Variants in SV2B observed in about 807,000 individuals in gnomAD.
SV2B encodes the protein solute carrier family 22 member B2.
In SV2B, 41 loss-of-function variants were observed where a neutral mutation model predicts 73.9. The observed-to-expected ratio is 0.56, with a 90% CI of 0.43 to 0.72. The LOEUF (loss-of-function observed/expected upper bound fraction) is 0.72. Ranked by LOEUF, SV2B falls within the 30% of genes least tolerant of loss-of-function variation. SV2B has a pLI of 0.00. For synonymous variants in SV2B, 314 were observed against 314.2 expected (o/e 1.00, Z 0.01); for missense variants, 764 against 857.8 (o/e 0.89, Z 1.37).
At chr15:91,180,716 G>T (rs2044517571) in intron 1 of SV2B, among the ~76,000 whole-genome samples, 1 of 152,126 alleles carries the variant, frequency 6.6e-6, no homozygotes, top group South Asian at 2.1e-4. Context: ...TCTTCACGTA[G>T]TTCTTGAGCC....
chr15:91,148,450 C>T (rs116255713), intron 1 of SV2B, among the ~76,000 whole-genome samples: 122 of 152,154 alleles, frequency 8.0e-4, no homozygotes, highest in Middle Eastern at 3.4e-3. Context: ...AGCGATGAGG[C>T]GTGCTGTTGG....
rs112091223 is a variant in SV2B at position 91,281,401 on chromosome 15, T to C, written c.1374-327T>C. ...CATGTTTTAAAAATGTCTCAGAAAG[T>C]GAGGTGTTATTAATATTTAAATTTC... On this transcript the variant is annotated intron_variant, in intron 9 of 12. Coordinates refer to ENST00000394232, the MANE Select transcript of SV2B (RefSeq NM_001323032.3). The surrounding 1 kb of genome is among the most constrained non-coding windows in gnomAD (Gnocchi z 4.7). Among the ~76,000 whole-genome samples, 4 of 152,196 alleles carry C rather than the reference T, an allele frequency of 2.6e-5. No individual in the cohort carries two copies. The highest frequency in any genetic ancestry group is 9.7e-5 in the African/African-American group (4 of 41,428).
rs1238275481 is a variant in SV2B at position 91,284,185 on chromosome 15, C to T, written c.1672C>T (p.Leu558=). Residue 558 remains leucine, a synonymous_variant, in exon 11 of 13, where the codon CTG becomes TTG. Coordinates refer to ENST00000394232, the MANE Select transcript of SV2B (RefSeq NM_001323032.3). This position sits in a 1 kb window ranked among gnomAD's most constrained non-coding sequence, Gnocchi z 4.5. The stretch of plus-strand genomic sequence containing the variant: ...CTTACCCGGGAACATCATTTCTGCC[C>T]TGCTCATGGATAGAATTGGAAGGCT... ...SVLPGNIISA[L]LMDRIGRLKM... 9 of 1,614,208 alleles carry T rather than the reference C, an allele frequency of 5.6e-6. No individual in the cohort carries two copies. The highest frequency in any genetic ancestry group is 7.6e-6 in the Non-Finnish European group (9 of 1,180,044).
Position 91,301,712 on chromosome 15 carries a change from C to A in SV2B, c.*9160C>A, listed in dbSNP as rs1306698215. Reference sequence around the variant, plus strand: ...TATTCCTTATCCCAAATGTTTGGGACCAGAAGTGTTCTGGATTTCCGGTTT... The same window carrying A: ...TATTCCTTATCCCAAATGTTTGGGAACAGAAGTGTTCTGGATTTCCGGTTT... On this transcript the variant is annotated 3_prime_UTR_variant, in exon 13 of 13. Coordinates refer to ENST00000394232, the MANE Select transcript of SV2B (RefSeq NM_001323032.3). This position sits in a 1 kb window ranked among gnomAD's most constrained non-coding sequence, Gnocchi z 4.3. Among the ~76,000 whole-genome samples, 2 of 152,150 alleles carry A rather than the reference C, an allele frequency of 1.3e-5. No homozygotes were observed. Among genetic ancestry groups the A allele is most frequent in the Non-Finnish European group, 2.9e-5 (2 of 68,024 alleles).
Position 91,147,965 on chromosome 15 carries a change from C to CTTTTTTT in SV2B, c.-392+47629_-392+47635dup, listed in dbSNP as rs60896008. Among the ~76,000 whole-genome samples the CTTTTTTT allele has an allele frequency of 2.4e-3, 95 of 39,304 alleles. 7 individuals carry two copies. Among genetic ancestry groups the CTTTTTTT allele is most frequent in the Admixed American group, 3.6e-3 (8 of 2,226 alleles). 25.8% of individuals were successfully genotyped at this position (39,304 alleles called of 152,430 possible). On this transcript the variant is annotated intron_variant, in intron 1 of 12. Coordinates refer to ENST00000394232, the MANE Select transcript of SV2B (RefSeq NM_001323032.3). ...GTTCCCCACCCCGCACCCCCCCCAA[C>CTTTTTTT]TTTTTTTTTTTTTTTTTTTTTTTTT...
intron 1 of SV2B, among the ~76,000 whole-genome samples, chr15:91,120,797 G>C (rs1340533967): frequency 7.1e-6 from 1 of 140,148 alleles, no homozygotes; most frequent in Non-Finnish European, 1.5e-5. Flanking sequence ...GTGTGACAGA[G>C]TGAGAACCTG....
intron 1 of SV2B, among the ~76,000 whole-genome samples, chr15:91,216,914 G>A (rs1380043043): frequency 1.4e-5 from 2 of 141,172 alleles, no homozygotes; most frequent in Admixed American, 1.4e-4. Flanking sequence ...TTGAGACCGA[G>A]CCTTGCTCTG....
chr15:91,263,563 G>C (rs1335143222), intron 6 of SV2B, among the ~76,000 whole-genome samples: 3 of 146,340 alleles, frequency 2.1e-5, no homozygotes, highest in Admixed American at 1.4e-4. Flanking sequence ...CAGACACAGA[G>C]ACACACACAG....
Position 91,252,899 on chromosome 15 carries a change from A to C in SV2B, c.784+379A>C, listed in dbSNP as rs1037085545. Reference sequence around the variant, plus strand: ...TTAATAGATGACAGGTATGTGACAAAAGCCAAGAGAAGTTGGTGACTTGCT... The same window carrying C: ...TTAATAGATGACAGGTATGTGACAACAGCCAAGAGAAGTTGGTGACTTGCT... On this transcript the variant is annotated intron_variant, in intron 4 of 12. Transcript: ENST00000394232. The surrounding 1 kb of genome is among the most constrained non-coding windows in gnomAD (Gnocchi z 4.6). Among the ~76,000 whole-genome samples the C allele has an allele frequency of 6.6e-6, 1 of 152,084 alleles. No individual in the cohort carries two copies. Among genetic ancestry groups the C allele is most frequent in the African/African-American group, 2.4e-5 (1 of 41,394 alleles).
chr15:91,258,676 CT>C lies in SV2B; in HGVS notation c.918+123del. 1 of 1,431,858 alleles carries C rather than the reference CT, an allele frequency of 7.0e-7. No homozygotes were observed. The highest frequency in any genetic ancestry group is 9.4e-7 in the Non-Finnish European group (1 of 1,068,584). The allele number at this position is 1,431,858 out of a possible 1,614,324, so 88.7% of individuals were successfully genotyped here. A position where few individuals can be genotyped will look rare whatever the true frequency, so the allele number is the denominator to read the frequency against. On this transcript the variant is annotated intron_variant, in intron 5 of 12. Coordinates refer to ENST00000394232, the MANE Select transcript of SV2B (RefSeq NM_001323032.3). The surrounding 1 kb of genome is among the most constrained non-coding windows in gnomAD (Gnocchi z 4.7). ...CTGCTTATGTGTTGCAAACTCTCCC[CT>C]GGTCGGCTGACCTCACTCATCATTG...
At chr15:91,111,533 C>T (rs527761463) in intron 1 of SV2B, among the ~76,000 whole-genome samples, 65 of 152,204 alleles carry the variant, frequency 4.3e-4, no homozygotes, top group African/African-American at 1.5e-3. Flanking sequence ...CCAGGCAAAG[C>T]TATTGGACAG....
In SV2B at chr15:91,294,652, A is replaced by G. The variant is rs2049159237; in HGVS notation, c.*2100A>G. On this transcript the variant is annotated 3_prime_UTR_variant, in exon 13 of 13. Transcript: ENST00000394232. The surrounding 1 kb of genome is among the most constrained non-coding windows in gnomAD (Gnocchi z 4.1). Reference sequence around the variant, plus strand: ...TAAAACATTATTCTTTAATGGGATAATACAATTCATTGAGCAGCTACCACT... The same window carrying G: ...TAAAACATTATTCTTTAATGGGATAGTACAATTCATTGAGCAGCTACCACT... The G allele has an allele frequency of 6.6e-6, 1 of 151,756 alleles. No individual in the cohort carries two copies. The highest frequency in any genetic ancestry group is 6.6e-5 in the Admixed American group (1 of 15,244). The allele number at this position is 151,756 out of a possible 1,614,324, so 9.4% of individuals were successfully genotyped here.
chr15:91,271,812 T>C (rs1386465723), intron 9 of SV2B, among the ~76,000 whole-genome samples: 1 of 152,182 alleles, frequency 6.6e-6, no homozygotes, highest in Non-Finnish European at 1.5e-5. Flanking sequence ...AACCCTCTTC[T>C]GAGCGCCTCC....
At chr15:91,291,811 A>G (rs952795518) in intron 12 of SV2B, among the ~76,000 whole-genome samples, 2 of 152,238 alleles carry the variant, frequency 1.3e-5, no homozygotes, top group Non-Finnish European at 2.9e-5. Flanking sequence ...GCCCACCCGC[A>G]ACGTCTCTTA....
intron 2 of SV2B, among the ~76,000 whole-genome samples, chr15:91,237,677 G>A (rs557494798): frequency 2.6e-5 from 4 of 152,164 alleles, no homozygotes; most frequent in Non-Finnish European, 5.9e-5. Flanking sequence ...CAGGGTTTTT[G>A]CTTAAGACAA....
intron 1 of SV2B, among the ~76,000 whole-genome samples, chr15:91,144,455 A>G (rs1218924882): frequency 6.6e-6 from 1 of 152,202 alleles, no homozygotes; most frequent in Non-Finnish European, 1.5e-5. Context: ...TTCCCCAAAT[A>G]GATGGATACT....
rs2046486879 is a variant in SV2B, at chr15:91,229,393, T to A, written c.451+2679T>A. On this transcript the variant is annotated intron_variant, in intron 2 of 12. Coordinates refer to ENST00000394232, the MANE Select transcript of SV2B (RefSeq NM_001323032.3). This position sits in a 1 kb window ranked among gnomAD's most constrained non-coding sequence, Gnocchi z 4.3. ...AATGCAGGTGTAAAGCAACCAGCGCTTGTTGCCCTCTCAACAATGATTAGT... is the reference window on the plus strand; with the variant it reads ...AATGCAGGTGTAAAGCAACCAGCGCATGTTGCCCTCTCAACAATGATTAGT... Among the ~76,000 whole-genome samples the A allele has an allele frequency of 6.6e-6, 1 of 152,236 alleles. No individual in the cohort carries two copies. The highest frequency in any genetic ancestry group is 6.5e-5 in the Admixed American group (1 of 15,290).
In SV2B at chr15:91,227,834, A is replaced by G. The variant is rs138049773; in HGVS notation, c.451+1120A>G. On this transcript the variant is annotated intron_variant, in intron 2 of 12. Transcript: ENST00000394232. This position sits in a 1 kb window ranked among gnomAD's most constrained non-coding sequence, Gnocchi z 4.5. ...ACCTGGTGCGATTCAGGTCCCCGATACTTGCTATAGAGCAAGAGCTAGCAA... is the reference window on the plus strand; with the variant it reads ...ACCTGGTGCGATTCAGGTCCCCGATGCTTGCTATAGAGCAAGAGCTAGCAA... Among the ~76,000 whole-genome samples, 114 of 152,366 alleles carry G rather than the reference A, an allele frequency of 7.5e-4. No homozygotes were observed. Among genetic ancestry groups the G allele is most frequent in the African/African-American group, 2.6e-3 (107 of 41,592 alleles).
intron 1 of SV2B, among the ~76,000 whole-genome samples, chr15:91,194,477 T>C (rs2045169211): frequency 6.6e-6 from 1 of 152,360 alleles, no homozygotes; most frequent in Admixed American, 6.5e-5. Flanking sequence ...CTCTTTTCTC[T>C]TGAGTGAATA....
Sources: gnomAD v4.1 joint callset for allele counts (sites outside exome capture counted in the v4.1 genomes callset) on GRCh38, gnomAD v4.1.1 for gene constraint, Gnocchi (gnomAD v3.1) non-coding constraint, MANE v1.5 for transcripts, NCBI Gene and HGNC (gene_info 2026-07-23, HGNC 2026-07-21) for gene names.